FAM234A: variants seen among roughly 807,000 people sequenced by gnomAD.
The protein encoded by FAM234A is protein FAM234A.
Under a neutral mutation model 49.1 loss-of-function variants are expected in FAM234A, and 42 were observed. That is an observed-to-expected ratio of 0.86 (90% CI 0.67 to 1.11). FAM234A has a LOEUF of 1.11. FAM234A is among the 50% of genes least tolerant of loss of function. FAM234A has a pLI of 0.00. For missense variants in FAM234A, 815 were observed against 745.2 expected (o/e 1.09, Z -1.09); for synonymous variants, 369 against 316.2 (o/e 1.17, Z -1.77).
At chr16:263,219 G>A (rs765297417) in intron 8 of FAM234A, 43 bp from the exon 9 acceptor site, 62 of 1,599,672 alleles carry the variant, frequency 3.9e-5, no homozygotes, top group East Asian at 1.6e-4. Context: ...GCCTGAGGCC[G>A]CCCCGGGGAC....
intron 1 of FAM234A, among the ~76,000 whole-genome samples, chr16:235,789 A>C (rs566421317): frequency 3.9e-5 from 6 of 152,316 alleles, no homozygotes; most frequent in African/African-American, 1.4e-4. Context: ...TACTCCACGA[A>C]AGAACTTCCT....
chr16:255,191 T>C (rs892301832), intron 3 of FAM234A, among the ~76,000 whole-genome samples: 1 of 152,106 alleles, frequency 6.6e-6, no homozygotes, highest in African/African-American at 2.4e-5. Flanking sequence ...GGTTTTACCA[T>C]GTTAGCCAGG....
chr16:261,236 GTTGGC>G (rs1161104488), intron 5 of FAM234A, 143 bp from the exon 6 acceptor site: 37 of 885,650 alleles, frequency 4.2e-5, no homozygotes, highest in African/African-American at 4.0e-4. Flanking sequence ...CTCCCCTCCT[GTTGGC>G]ATCTGCTCTG....
In FAM234A at chr16:264,657, C is replaced by A. The variant is rs762278614; in HGVS notation, c.1388C>A (p.Thr463Asn). 6.2e-7 allele frequency: 1 copy of A among 1,612,014 alleles called. No homozygotes were observed. Among genetic ancestry groups the A allele is most frequent in the South Asian group, 1.1e-5 (1 of 91,090 alleles). Residue 463 changes from threonine (T) to asparagine (N), a missense_variant, in exon 12 of 13, where the codon ACC (threonine) becomes AAC (asparagine). Coordinates refer to ENST00000399932, the MANE Select transcript of FAM234A (RefSeq NM_032039.4). ...ARHSLYMFHPTLPRVLLELAN... is the reference protein window; with the variant it reads ...ARHSLYMFHPNLPRVLLELAN... ...CACAGCCTGTACATGTTCCACCCCA[C>A]CCTGCCGCGCGTGCTGCTGGAGCTG...
At chr16:267,408 C>A (rs1374178859), downstream of FAM234A, among the ~76,000 whole-genome samples, 3 of 152,116 alleles carry the variant, frequency 2.0e-5, no homozygotes, top group African/African-American at 7.2e-5. Flanking sequence ...TGGGACCTGC[C>A]CCCTCCCTCA....
downstream of FAM234A, chr16:268,851 T>C (rs999247593): frequency 5.5e-5 from 85 of 1,550,250 alleles, no homozygotes; most frequent in Non-Finnish European, 7.2e-5. Flanking sequence ...CCGCGTCTTG[T>C]GACGGGTGTG....
rs553719747 is a variant in FAM234A at position 263,706 on chromosome 16, C to T, written c.1119C>T (p.Pro373=). 6.2e-7 allele frequency: 1 copy of T among 1,613,614 alleles called. No individual in the cohort carries two copies. Among genetic ancestry groups the T allele is most frequent in the African/African-American group, 1.3e-5 (1 of 75,048 alleles). Residue 373 remains proline, a synonymous_variant, in exon 10 of 13, where the codon CCC becomes CCT. Coordinates refer to ENST00000399932, the MANE Select transcript of FAM234A (RefSeq NM_032039.4). ...TTCCTCCATATTGTTCCAGAAAACC[C>T]ATCTTCGGCCGCTACAAACCAGACA... The part of the protein sequence containing the change: ...TPKAAHVLRK[P]IFGRYKPDTL...
chr16:261,527 C>A lies in FAM234A; in HGVS notation c.708+13C>A, dbSNP rs910883955. The A allele has an allele frequency of 1.3e-6, 2 of 1,580,822 alleles. No homozygotes were observed. The highest frequency in any genetic ancestry group is 1.3e-5 in the African/African-American group (1 of 74,352). ...GGAGCGGGAGGAGGTACATCCCAGCCTGGCTCTGCTCCCAAGTCACGAGGC... is the reference window on the plus strand; with the variant it reads ...GGAGCGGGAGGAGGTACATCCCAGCATGGCTCTGCTCCCAAGTCACGAGGC... On this transcript the variant is annotated intron_variant, in intron 6 of 12. Transcript: ENST00000399932.
downstream of FAM234A, among the ~76,000 whole-genome samples, chr16:268,005 GC>G (rs2051749713): frequency 1.3e-5 from 1 of 76,932 alleles, no homozygotes; most frequent in Admixed American, 1.5e-4. Flanking sequence ...TCATACACAC[GC>G]ACACACACCA....
At chr16:252,461 C>T (rs1163137750) in intron 2 of FAM234A, among the ~76,000 whole-genome samples, 6 of 152,076 alleles carry the variant, frequency 3.9e-5, no homozygotes, top group East Asian at 1.9e-4. Context: ...GGATTACAGC[C>T]GTGAGCCACC....
intron 1 of FAM234A, among the ~76,000 whole-genome samples, chr16:238,793 A>G (rs2050503254): frequency 7.0e-6 from 1 of 142,644 alleles, no homozygotes; most frequent in Non-Finnish European, 1.5e-5. Flanking sequence ...AAAAGAAAAA[A>G]AAAATCCCTG....
chr16:268,959 C>T (rs1197646266), downstream of FAM234A: 1 of 1,548,380 alleles, frequency 6.5e-7, no homozygotes, highest in Non-Finnish European at 8.7e-7. Context: ...GGACTGAAGA[C>T]CAGAGAAGGT....
At chr16:237,853 A>G (rs2050456373) in intron 1 of FAM234A, among the ~76,000 whole-genome samples, 1 of 151,202 alleles carries the variant, frequency 6.6e-6, no homozygotes. Context: ...ACAAGCACGT[A>G]CTACCACGCC....
intron 3 of FAM234A, among the ~76,000 whole-genome samples, chr16:256,632 G>A (rs1056557862): frequency 3.3e-5 from 5 of 151,128 alleles, no homozygotes; most frequent in African/African-American, 4.9e-5. Context: ...GTGCAATGGC[G>A]CAATCTCGGC....
chr16:267,575 TACAC>T (rs1224303051), downstream of FAM234A, among the ~76,000 whole-genome samples: 61 of 146,896 alleles, frequency 4.2e-4, no homozygotes, highest in Middle Eastern at 3.7e-3. Flanking sequence ...ACACGTGCAC[TACAC>T]ACAATCACAC....
At chr16:241,683 C>T (rs539807334) in intron 1 of FAM234A, among the ~76,000 whole-genome samples, 34 of 151,938 alleles carry the variant, frequency 2.2e-4, no homozygotes, top group South Asian at 4.2e-4. Context: ...TTTGGGAGGC[C>T]GAGGCGGGCG....
At chr16:255,488 C>A (rs2051196032) in intron 3 of FAM234A, among the ~76,000 whole-genome samples, 1 of 152,104 alleles carries the variant, frequency 6.6e-6, no homozygotes, top group South Asian at 2.1e-4. Context: ...GTAGGAGTAT[C>A]ATTTACACCT....
chr16:268,849 T>C, downstream of FAM234A: 1 of 1,550,344 alleles, frequency 6.5e-7, no homozygotes, highest in South Asian at 1.2e-5. Flanking sequence ...GTCCGCGTCT[T>C]GTGACGGGTG....
intron 3 of FAM234A, 59 bp from the exon 4 acceptor site, chr16:259,424 G>C: frequency 3.0e-6 from 3 of 987,908 alleles, no homozygotes; most frequent in South Asian, 1.3e-5. Context: ...TGCTGGACCT[G>C]ATCGTTCCTG....
Sources: gnomAD v4.1 joint callset for allele counts (sites outside exome capture counted in the v4.1 genomes callset) on GRCh38, gnomAD v4.1.1 for gene constraint, MANE v1.5 for transcripts, NCBI Gene and HGNC (gene_info 2026-07-23, HGNC 2026-07-21) for gene names.